COL6A1: variants seen among roughly 807,000 people sequenced by gnomAD.
COL6A1 encodes collagen type VI alpha 1 chain.
In COL6A1, 80 loss-of-function variants were observed where a neutral mutation model predicts 145.6. The ratio of observed to expected loss-of-function variants is 0.55; its 90% CI spans 0.46 to 0.66. COL6A1 has a LOEUF of 0.66. Ranked by LOEUF, COL6A1 falls within the 30% of genes least tolerant of loss-of-function variation. COL6A1 has a pLI of 0.00. For missense variants in COL6A1, 1,364 were observed against 1,473.8 expected (o/e 0.93, Z 1.22); for synonymous variants, 638 against 622.8 (o/e 1.02, Z -0.36).
chr21:46,003,202 C>T (rs867098044), intron 34 of COL6A1, 53 bp downstream of exon 34: 33 of 1,612,948 alleles, frequency 2.0e-5, no homozygotes, highest in Non-Finnish European at 2.5e-5. Flanking sequence ...GTGGTTGGGG[C>T]GAGGGCTCTG....
chr21:46,003,347 A>T (rs774722256), intron 34 of COL6A1, 44 bp from the exon 35 acceptor site: 2 of 1,600,168 alleles, frequency 1.2e-6, no homozygotes, highest in Non-Finnish European at 1.7e-6. Flanking sequence ...CTGCGGCTGC[A>T]TCACCAGGGC....
At chr21:46,000,993 TG>T (rs970167975) in intron 29 of COL6A1, 17 of 708,110 alleles carry the variant, frequency 2.4e-5, no homozygotes, top group South Asian at 1.4e-4. Context: ...GGAGCAGGCT[TG>T]GGGGGGTCCC....
At position 45,981,872 on chromosome 21, in the gene COL6A1, C is replaced by T; in HGVS notation, c.22C>T (p.Leu8=). The T allele has an allele frequency of 1.9e-6, 3 of 1,597,312 alleles. No individual in the cohort carries two copies. The highest frequency in any genetic ancestry group is 2.6e-6 in the Non-Finnish European group (3 of 1,174,134). ...AGACATGAGGGCGGCCCGTGCTCTGCTGCCCCTGCTGCTGCAGGCCTGCTG... is the reference window on the plus strand; with the variant it reads ...AGACATGAGGGCGGCCCGTGCTCTGTTGCCCCTGCTGCTGCAGGCCTGCTG... MRAARAL[L]PLLLQACWTA... The change falls in exon 1 of 35, where the codon CTG becomes TTG. Residue 8 remains leucine, a synonymous_variant. Transcript: ENST00000361866.
In COL6A1 at chr21:46,001,984, G is replaced by T. The variant is rs370780432; in HGVS notation, c.1980G>T (p.Ala660=). 1 of 1,612,522 alleles carries T rather than the reference G, an allele frequency of 6.2e-7. No homozygotes were observed. Among genetic ancestry groups the T allele is most frequent in the African/African-American group, 1.3e-5 (1 of 75,036 alleles). The change falls in exon 31 of 35, where the codon GCG becomes GCT. Residue 660 remains alanine, a synonymous_variant. Coordinates refer to ENST00000361866, the MANE Select transcript of COL6A1 (RefSeq NM_001848.3). The stretch of plus-strand genomic sequence containing the variant: ...AGTTCGAGCCAGGGCAGTCGTACGC[G>T]GGTGTGGTGCAGTACAGCCACAGCC... The part of the protein sequence containing the change: ...LVKFEPGQSY[A]GVVQYSHSQM...
In COL6A1 at chr21:46,003,731, C is replaced by A; in HGVS notation, c.2805C>A (p.Ala935=). 6.2e-7 allele frequency: 1 copy of A among 1,612,962 alleles called. No individual in the cohort carries two copies. Among genetic ancestry groups the A allele is most frequent in the Non-Finnish European group, 8.5e-7 (1 of 1,179,886 alleles). The change falls in exon 35 of 35, where the codon GCC becomes GCA. Residue 935 remains alanine, a synonymous_variant. Coordinates refer to ENST00000361866, the MANE Select transcript of COL6A1 (RefSeq NM_001848.3). ...ACCGCGAGGCCTCGTCCGGCGCTGC[C>A]AAGAAGAGGCTGCTGCTCTTCTCAG... ...RFYREASSGA[A]KKRLLLFSDG...
chr21:45,990,957 C>T (rs1160145447), intron 14 of COL6A1, 22 bp from the exon 15 acceptor site: 5 of 1,613,208 alleles, frequency 3.1e-6, no homozygotes, highest in Non-Finnish European at 4.2e-6. Flanking sequence ...CCGGTGGTGT[C>T]ATGCTGCCCT....
At position 45,999,235 on chromosome 21, in the gene COL6A1, G is replaced by C. The variant is rs200299050; in HGVS notation, c.1740+17G>C. On this transcript the variant is annotated intron_variant, in intron 26 of 34. Coordinates refer to ENST00000361866, the MANE Select transcript of COL6A1 (RefSeq NM_001848.3). ...GGCCCCCAGGTGGGTGGATGTGGCT[G>C]GGTGAGGCCACGGTGGGCTGTGCCT... 6.3e-6 allele frequency: 10 copies of C among 1,583,186 alleles called. No individual in the cohort carries two copies. In the Admixed American group the frequency reaches 1.8e-4, roughly 29 times the overall value.
rs907073994 is a variant in COL6A1 at position 45,998,152 on chromosome 21, A to G, written c.1556A>G (p.Glu519Gly). The change falls in exon 23 of 35, where the codon GAG becomes GGG. Residue 519 changes from glutamate to glycine, a missense_variant. Glu to Gly is a moderately conservative substitution (Grantham distance 98). Around this residue, in one of 3 missense-constraint regions of COL6A1, gnomAD observed 938 missense variants for 1,003.8 expected, o/e 0.93. Transcript: ENST00000361866. Reference sequence around the variant, plus strand: ...GACGGCCCCGCTGGAAATGGCACCGAGGGCTTCCCCGGCTTCCCCGTAAGT... The same window carrying G: ...GACGGCCCCGCTGGAAATGGCACCGGGGGCTTCCCCGGCTTCCCCGTAAGT... ...GEDGPAGNGT[E>G]GFPGFPGYPG... 1 of 1,612,484 alleles carries G rather than the reference A, an allele frequency of 6.2e-7. No individual in the cohort carries two copies. Among genetic ancestry groups the G allele is most frequent in the Non-Finnish European group, 8.5e-7 (1 of 1,179,800 alleles).
intron 17 of COL6A1, 55 bp from the exon 18 acceptor site, chr21:45,992,308 C>T: frequency 6.2e-7 from 1 of 1,613,620 alleles, no homozygotes; most frequent in Non-Finnish European, 8.5e-7. Flanking sequence ...GTCCCTGAGA[C>T]CAAATGCAGT....
In COL6A1 at chr21:45,992,946, G is replaced by A. The variant is rs1049801710; in HGVS notation, c.1335+136G>A. 234 of 755,746 alleles carry A rather than the reference G, an allele frequency of 3.1e-4. 1 individual carries two copies. Among genetic ancestry groups the A allele is most frequent in the Admixed American group, 2.8e-4 (11 of 39,230 alleles). The allele number at this position is 755,746 out of a possible 1,614,324, so 46.8% of individuals were successfully genotyped here. ...CTCAACGTGGCCAGCCCATCCCCAC[G>A]CCGTCAGGGAGGGCAGCCCCTGAAG... On this transcript the variant is annotated intron_variant, in intron 19 of 34. Coordinates refer to ENST00000361866, the MANE Select transcript of COL6A1 (RefSeq NM_001848.3).
At position 45,982,910 on chromosome 21, in the gene COL6A1, C is replaced by G. The variant is rs2077716412; in HGVS notation, c.227+147C>G. 9 of 1,152,914 alleles carry G rather than the reference C, an allele frequency of 7.8e-6. No individual in the cohort carries two copies. In the South Asian group the frequency reaches 1.1e-4, roughly 15 times the overall value. 71.4% of individuals were successfully genotyped at this position (1,152,914 alleles called of 1,614,324 possible). On this transcript the variant is annotated intron_variant, in intron 2 of 34. Coordinates refer to ENST00000361866, the MANE Select transcript of COL6A1 (RefSeq NM_001848.3). ...TGACCGGGGCCCCTCCCGGCGCCCT[C>G]CAGAGTGAGGCCGGGGCCCTTTCCG...
In COL6A1 at chr21:46,002,403, T is replaced by G; in HGVS notation, c.2250+2T>G. ...GTGCTCTGCAGCCCCGGCATCCAGG[T>G]GGGGTGGCCACCCCCAGGCTGCACC... On this transcript the variant is annotated splice_donor_variant, in intron 32 of 34. Coordinates refer to ENST00000361866, the MANE Select transcript of COL6A1 (RefSeq NM_001848.3). LOFTEE classifies it high-confidence loss of function. 1.2e-6 allele frequency: 2 copies of G among 1,605,358 alleles called. No individual in the cohort carries two copies. Among genetic ancestry groups the G allele is most frequent in the Non-Finnish European group, 1.7e-6 (2 of 1,176,234 alleles).
intron 28 of COL6A1, among the ~76,000 whole-genome samples, 160 bp from the exon 29 acceptor site, chr21:46,000,599 C>T (rs572868771): frequency 3.5e-5 from 5 of 141,726 alleles, no homozygotes; most frequent in East Asian, 2.7e-4. Flanking sequence ...GGAGGGCGGC[C>T]GGGGAGGCGG....
Position 46,000,896 on chromosome 21 carries a change from G to A in COL6A1, c.1822+129G>A, listed in dbSNP as rs1020540492. On this transcript the variant is annotated intron_variant, in intron 29 of 34. Transcript: ENST00000361866. Reference sequence around the variant, plus strand: ...CGCCCGCAGCTCCCTGCACCTGCCCGCCCCCTCTGGGGCCTGCTCCAAGCC... The same window carrying A: ...CGCCCGCAGCTCCCTGCACCTGCCCACCCCCTCTGGGGCCTGCTCCAAGCC... 43 of 1,210,166 alleles carry A rather than the reference G, an allele frequency of 3.6e-5. 1 individual carries two copies. The highest frequency in any genetic ancestry group is 2.1e-4 in the East Asian group (9 of 42,898). The allele number at this position is 1,210,166 out of a possible 1,614,324, so 75.0% of individuals were successfully genotyped here. A position where few individuals can be genotyped will look rare whatever the true frequency, so the allele number is the denominator to read the frequency against.
intron 2 of COL6A1, among the ~76,000 whole-genome samples, chr21:45,983,666 G>T (rs1027463259): frequency 6.6e-6 from 1 of 151,974 alleles, no homozygotes; most frequent in Non-Finnish European, 1.5e-5. Flanking sequence ...TTTGGGGGGG[G>T]GTCTGGCTGT....
intron 3 of COL6A1, among the ~76,000 whole-genome samples, chr21:45,984,681 G>GCGAGAC (rs1556424347): frequency 6.6e-6 from 1 of 151,920 alleles, no homozygotes; most frequent in Non-Finnish European, 1.5e-5. Flanking sequence ...CAGACACAGA[G>GCGAGAC]AGAGACAGAG....
rs563018079 is a variant in COL6A1, at chr21:45,997,556, T to C, written c.1461+73T>C. 76 of 1,561,052 alleles carry C rather than the reference T, an allele frequency of 4.9e-5. No homozygotes were observed. The East Asian group carries it at 1.6e-3, about 34-fold the overall frequency. On this transcript the variant is annotated intron_variant, in intron 21 of 34. Coordinates refer to ENST00000361866, the MANE Select transcript of COL6A1 (RefSeq NM_001848.3). Reference sequence around the variant, plus strand: ...GATCCAGAACCCACTGTCTGCCCAGTGCTGGCCCCGTGCCCTCTGAGGACT... The same window carrying C: ...GATCCAGAACCCACTGTCTGCCCAGCGCTGGCCCCGTGCCCTCTGAGGACT...
At chr21:45,997,898 C>A in intron 22 of COL6A1, 136 bp downstream of exon 22, 1 of 1,138,676 alleles carries the variant, frequency 8.8e-7, no homozygotes, top group Non-Finnish European at 1.2e-6. Flanking sequence ...TGGCTCCTGG[C>A]CACAGTCGGC....
At chr21:45,992,452 G>T (rs962297990) in intron 18 of COL6A1, 54 bp downstream of exon 18, 1 of 1,594,286 alleles carries the variant, frequency 6.3e-7, no homozygotes, top group South Asian at 1.1e-5. Flanking sequence ...AGCTGTGGAC[G>T]TGGCCTCTGC....
Sources: allele counts gnomAD v4.1 joint callset (sites outside exome capture counted in the v4.1 genomes callset), GRCh38; gene constraint gnomAD v4.1.1; regional missense constraint gnomAD v4.1.1; transcripts MANE v1.5; gene names NCBI Gene and HGNC (gene_info 2026-07-23, HGNC 2026-07-21).